Variants in CMIP observed in about 807,000 individuals in gnomAD.
CMIP encodes the protein C-Maf-inducing protein.
In CMIP, 13 loss-of-function variants were observed where a neutral mutation model predicts 97.3. The observed-to-expected ratio is 0.13, with a 90% CI of 0.09 to 0.21. The LOEUF (loss-of-function observed/expected upper bound fraction) is 0.21, where lower values mean the gene tolerates loss of function less well. CMIP is among the 10% of genes least tolerant of loss of function. The pLI is 1.00. For synonymous variants in CMIP, 538 were observed against 436.3 expected, an observed-to-expected ratio of 1.23 and a Z score of -2.91; for missense variants, 847 against 1,024.9, an observed-to-expected ratio of 0.83 and a Z score of 2.37.
chr16:81,549,304 G>A (rs560023705), intron 1 of CMIP, among the ~76,000 whole-genome samples: 19 of 152,292 alleles, frequency 1.2e-4, no homozygotes, highest in African/African-American at 4.6e-4. Context: ...TAAATCATTC[G>A]ATAGAACCTT....
At chr16:81,590,818 TTC>T (rs2091454893) in intron 1 of CMIP, among the ~76,000 whole-genome samples, 1 of 144,012 alleles carries the variant, frequency 6.9e-6, no homozygotes, top group African/African-American at 2.6e-5. Context: ...TATTCTCACT[TTC>T]TCTCATCCAT....
At chr16:81,486,872 C>CAG (rs1186883252) in intron 1 of CMIP, among the ~76,000 whole-genome samples, 1 of 152,258 alleles carries the variant, frequency 6.6e-6, no homozygotes, top group African/African-American at 2.4e-5. Flanking sequence ...CATCTCAACC[C>CAG]AGCTCAAATC....
At chr16:81,678,842 G>C (rs1010136384) in intron 10 of CMIP, among the ~76,000 whole-genome samples, 11 of 152,282 alleles carry the variant, frequency 7.2e-5, no homozygotes, top group Admixed American at 2.6e-4. Context: ...ATGTACAAGT[G>C]GGTGAGGCAC....
intron 1 of CMIP, among the ~76,000 whole-genome samples, chr16:81,563,347 G>C (rs2090920901): frequency 6.6e-6 from 1 of 152,224 alleles, no homozygotes; most frequent in African/African-American, 2.4e-5. Context: ...GCCTCTTTCT[G>C]TTTTGTGGAC....
chr16:81,465,693 G>C (rs1009510047), intron 1 of CMIP, among the ~76,000 whole-genome samples: 8 of 152,238 alleles, frequency 5.3e-5, no homozygotes, highest in Admixed American at 4.6e-4. Context: ...TCTCTGGCTC[G>C]ACCATTTCGC....
intron 2 of CMIP, among the ~76,000 whole-genome samples, chr16:81,617,990 C>T (rs976449643): frequency 4.6e-5 from 7 of 152,194 alleles, no homozygotes; most frequent in African/African-American, 1.7e-4. Flanking sequence ...CCGTTCCGTC[C>T]AGCCGGTGGC....
At chr16:81,644,124 C>A (rs1047999970) in intron 3 of CMIP, among the ~76,000 whole-genome samples, 1 of 152,198 alleles carries the variant, frequency 6.6e-6, no homozygotes, top group African/African-American at 2.4e-5. Context: ...TACAATATTT[C>A]TTTAAAAATG....
intron 1 of CMIP, among the ~76,000 whole-genome samples, chr16:81,565,237 G>A (rs1597094522): frequency 6.6e-6 from 1 of 152,306 alleles, no homozygotes; most frequent in East Asian, 1.9e-4. Context: ...ATGGATAGGA[G>A]GCTTGTACCA....
At chr16:81,508,151 A>T (rs1374054374) in intron 1 of CMIP, among the ~76,000 whole-genome samples, 2 of 152,214 alleles carry the variant, frequency 1.3e-5, no homozygotes, top group Non-Finnish European at 2.9e-5. Flanking sequence ...GAAATATTAA[A>T]TGTGTGCATT....
chr16:81,554,273 T>C (rs2150861892), intron 1 of CMIP, among the ~76,000 whole-genome samples: 1 of 152,304 alleles, frequency 6.6e-6, no homozygotes, highest in South Asian at 2.1e-4. Flanking sequence ...GAGAAAATGC[T>C]CTCCTCTTCA....
intron 1 of CMIP, among the ~76,000 whole-genome samples, chr16:81,585,187 C>A (rs1567594514): frequency 2.6e-5 from 4 of 151,974 alleles, no homozygotes; most frequent in Admixed American, 2.6e-4. Context: ...ACTAGAAATA[C>A]AAAAATTAGC....
At chr16:81,548,711 TGGTGTG>T (rs1371738315) in intron 1 of CMIP, among the ~76,000 whole-genome samples, 2 of 145,800 alleles carry the variant, frequency 1.4e-5, no homozygotes, top group Non-Finnish European at 3.0e-5. Flanking sequence ...CCAGGCATGG[TGGTGTG>T]TGCCTGTAGT....
intron 1 of CMIP, among the ~76,000 whole-genome samples, chr16:81,452,070 C>G (rs533451691): frequency 6.6e-6 from 1 of 152,340 alleles, no homozygotes; most frequent in South Asian, 2.1e-4. Context: ...GAAAATATTT[C>G]TGGTGCTGAA....
Position 81,604,709 on chromosome 16 carries a change from A to C in CMIP, c.301-2858A>C, listed in dbSNP as rs77163676. 0.018 allele frequency among the ~76,000 whole-genome samples: 2,668 copies of C among 152,268 alleles called. 116 individuals carry two copies. In the East Asian group the frequency reaches 0.18, roughly 10 times the overall value. On this transcript the variant is annotated intron_variant, in intron 1 of 20. Transcript: ENST00000537098. ...AGCAAGACTCCGTCTCAAACAAAACAAAACAAAAAAACAGTATGTATTTAT... is the reference window on the plus strand; with the variant it reads ...AGCAAGACTCCGTCTCAAACAAAACCAAACAAAAAAACAGTATGTATTTAT...
rs148988622 is a variant in CMIP at position 81,558,336 on chromosome 16, T to C, written c.301-49231T>C. Among the ~76,000 whole-genome samples, 97 of 152,304 alleles carry C rather than the reference T, an allele frequency of 6.4e-4. 1 individual carries two copies. The highest frequency in any genetic ancestry group is 2.0e-3 in the African/African-American group (84 of 41,574). ...GTTACAGATAGTGCTGCAGTGAACG[T>C]AGGTTTACAGGTATCACACACAGAC... On this transcript the variant is annotated intron_variant, in intron 1 of 20. Coordinates refer to ENST00000537098, the MANE Select transcript of CMIP (RefSeq NM_198390.3).
At chr16:81,688,662 GT>G (rs201558433) in intron 10 of CMIP, among the ~76,000 whole-genome samples, 62 of 151,462 alleles carry the variant, frequency 4.1e-4, no homozygotes, top group South Asian at 1.0e-3. Flanking sequence ...CATCAACTCT[GT>G]TTTTTTTTAA....
intron 6 of CMIP, 47 bp from the exon 7 acceptor site, chr16:81,664,222 C>A (rs1464328672): frequency 1.3e-6 from 2 of 1,542,914 alleles, no homozygotes; most frequent in African/African-American, 2.7e-5. Context: ...GGGCTGTGTT[C>A]AGAACATTCT....
At chr16:81,536,482 A>G (rs151283028) in intron 1 of CMIP, among the ~76,000 whole-genome samples, 2 of 152,358 alleles carry the variant, frequency 1.3e-5, no homozygotes, top group East Asian at 3.9e-4. Context: ...GATAAGATAC[A>G]CAGAACATAA....
chr16:81,688,834 G>A (rs1309273673), intron 10 of CMIP, among the ~76,000 whole-genome samples: 1 of 152,088 alleles, frequency 6.6e-6, no homozygotes, highest in African/African-American at 2.4e-5. Context: ...ACAGGCCCCG[G>A]TGTGTGATGT....
Sources: allele counts gnomAD v4.1 joint callset (sites outside exome capture counted in the v4.1 genomes callset), GRCh38; gene constraint gnomAD v4.1.1; transcripts MANE v1.5; gene names NCBI Gene and HGNC (gene_info 2026-07-23, HGNC 2026-07-21).